The following CELSR2 variants were observed in gnomAD, a reference collection of about 807,000 sequenced individuals.
CELSR2 encodes the protein cadherin EGF LAG seven-pass G-type receptor 2, also known as EGF-like protein 2.
Under a neutral mutation model 251.6 loss-of-function variants are expected in CELSR2, and 81 were observed. The observed-to-expected ratio is 0.32, with a 90% confidence interval of 0.27 to 0.39. The LOEUF is 0.39. CELSR2 is among the 10% of genes least tolerant of loss of function. The pLI, the probability that CELSR2 is intolerant of heterozygous loss-of-function variation, is 1.00. For missense variants in CELSR2, 3,365 were observed against 3,947.7 expected (o/e 0.85, Z 3.96); for synonymous variants, 1,721 against 1,670.5 (o/e 1.03, Z -0.74).
In CELSR2 at chr1:109,250,030, G is replaced by T; in HGVS notation, c.-50G>T. On this transcript the variant is annotated 5_prime_UTR_variant, in exon 1 of 34. Transcript: ENST00000271332. This position sits in a 1 kb window ranked among gnomAD's most constrained non-coding sequence, Gnocchi z 4.4. The stretch of plus-strand genomic sequence containing the variant: ...GCGGCGGGGCCGGCAGGAGCCGGAG[G>T]AGGAGCCGCCGCCGCCGTTGACCCG... The T allele has an allele frequency of 1.6e-6, 2 of 1,285,666 alleles. No individual in the cohort carries two copies. Among genetic ancestry groups the T allele is most frequent in the South Asian group, 5.4e-5 (2 of 37,020 alleles). 79.6% of individuals were successfully genotyped at this position (1,285,666 alleles called of 1,614,324 possible).
rs1656422116 is a variant in CELSR2 at position 109,273,173 on chromosome 1, CCCAGGGCCTGGCAAGGCCCCCTGG to C, written c.8352_8375del (p.Pro2785_Gly2792del). 6.2e-7 allele frequency: 1 copy of C among 1,608,478 alleles called. No individual in the cohort carries two copies. The highest frequency in any genetic ancestry group is 1.3e-5 in the African/African-American group (1 of 74,424). On this transcript the variant is annotated inframe_deletion, in exon 32 of 34. Coordinates refer to ENST00000271332, the MANE Select transcript of CELSR2 (RefSeq NM_001408.3). ...ACTTCCTTTCCCCACCAGATGGGGG[CCCAGGGCCTGGCAAGGCCCCCTGG>C]CCAGGAGACTTTGGGACCACAGCAA... is the stretch of plus-strand genomic sequence containing the variant.
At chr1:109,273,692 G>A in intron 33 of CELSR2, 22 bp downstream of exon 33, 4 of 1,391,298 alleles carry the variant, frequency 2.9e-6, no homozygotes, top group Non-Finnish European at 3.8e-6. Context: ...CGGGTGGGCG[G>A]GACGGGGTGC....
rs1656117811 is a variant in CELSR2, at chr1:109,264,149, A to G, written c.5073A>G (p.Pro1691=). 6.2e-7 allele frequency: 1 copy of G among 1,608,346 alleles called. No homozygotes were observed. The highest frequency in any genetic ancestry group is 1.3e-5 in the African/African-American group (1 of 74,832). ...GLQASSLRLE[P]GRANDGDWHH... is the part of the protein sequence containing the mutation. ...AGGCCTCCTCTCTCCGTCTGGAGCC[A>G]GGCCGGGCCAATGACGGTGACTGGC... The change falls in exon 10 of 34, where the codon CCA becomes CCG. Residue 1691 remains proline, a synonymous_variant. Coordinates refer to ENST00000271332, the MANE Select transcript of CELSR2 (RefSeq NM_001408.3).
rs561956014 is a variant in CELSR2, at chr1:109,254,712, G to A, written c.3310+1323G>A. 8.9e-4 allele frequency among the ~76,000 whole-genome samples: 136 copies of A among 152,294 alleles called. 1 individual carries two copies. Among genetic ancestry groups the A allele is most frequent in the African/African-American group, 2.9e-3 (119 of 41,564 alleles). On this transcript the variant is annotated intron_variant, in intron 1 of 33. Transcript: ENST00000271332. The stretch of plus-strand genomic sequence containing the variant: ...AGGAGGGGTATGCCAGAGTCAGGGC[G>A]TGGCCTCACTCAGGGTCCTTGCTGG...
rs753874270 is a variant in CELSR2, at chr1:109,269,425, G to A, written c.6814G>A (p.Val2272Ile). 5 of 1,613,468 alleles carry A rather than the reference G, an allele frequency of 3.1e-6. No individual in the cohort carries two copies. The highest frequency in any genetic ancestry group is 3.4e-6 in the Non-Finnish European group (4 of 1,179,744). ...GTGCACCTGACTGCCCCACATCAGAGTCCCCAAACGCCCGATCATCAACAC... is the reference window on the plus strand; with the variant it reads ...GTGCACCTGACTGCCCCACATCAGAATCCCCAAACGCCCGATCATCAACAC... ...NYDPDKRSLR[V>I]PKRPIINTPV... Residue 2272 changes from valine (V) to isoleucine (I), a missense_variant and splice_region_variant, in exon 21 of 34, where the codon GTC becomes ATC. Around this residue, in one of 5 missense-constraint regions of CELSR2, gnomAD observed 2,093 missense variants for 2,382.8 expected, o/e 0.88. Coordinates refer to ENST00000271332, the MANE Select transcript of CELSR2 (RefSeq NM_001408.3). The surrounding 1 kb of genome is among the most constrained non-coding windows in gnomAD (Gnocchi z 6.4).
rs777895785 is a variant in CELSR2 at position 109,273,182 on chromosome 1, T to G, written c.8355T>G (p.Pro2785=). ...HSTPKDGGPG[P]GKAPWPGDFG... is the part of the protein sequence containing the mutation. ...CCCCACCAGATGGGGGCCCAGGGCC[T>G]GGCAAGGCCCCCTGGCCAGGAGACT... is the stretch of plus-strand genomic sequence containing the variant. The change falls in exon 32 of 34, where the codon CCT becomes CCG. Residue 2785 remains proline (P), a synonymous_variant. Transcript: ENST00000271332. The G allele has an allele frequency of 9.3e-6, 15 of 1,607,456 alleles. 1 individual carries two copies. The highest frequency in any genetic ancestry group is 3.3e-4 in the Middle Eastern group (2 of 6,034).
intron 1 of CELSR2, 79 bp downstream of exon 1, chr1:109,253,468 A>G: frequency 1.3e-6 from 2 of 1,503,454 alleles, no homozygotes; most frequent in African/African-American, 2.8e-5. Context: ...GTAGGGTGCG[A>G]TCCAGGAAGC....
Position 109,251,121 on chromosome 1 carries a change from G to A in CELSR2, c.1042G>A (p.Val348Met). 6.2e-7 allele frequency: 1 copy of A among 1,613,266 alleles called. No individual in the cohort carries two copies. The highest frequency in any genetic ancestry group is 8.5e-7 in the Non-Finnish European group (1 of 1,179,950). The change falls in exon 1 of 34, where the codon GTG (valine) becomes ATG (methionine). Residue 348 changes from valine (V) to methionine (M), a missense_variant. By Grantham distance (21) the Val-to-Met change is conservative. Transcript: ENST00000271332. The surrounding 1 kb of genome is among the most constrained non-coding windows in gnomAD (Gnocchi z 4.9). The part of the protein sequence containing the change: ...EVFEIDPRSG[V>M]IRTRGPVDRE... The stretch of plus-strand genomic sequence containing the variant: ...CTTTGAGATCGACCCTCGCTCTGGG[G>A]TGATCCGAACCCGTGGCCCTGTGGA...
intron 5 of CELSR2, 117 bp from the exon 6 acceptor site, chr1:109,262,170 T>G: frequency 4.3e-6 from 6 of 1,381,556 alleles, no homozygotes; most frequent in Non-Finnish European, 5.9e-6. Context: ...TGTATATGCA[T>G]GTGTGTACGT....
intron 24 of CELSR2, 113 bp downstream of exon 24, chr1:109,270,713 C>T (rs1001919535): frequency 1.9e-5 from 26 of 1,358,822 alleles, no homozygotes; most frequent in African/African-American, 1.6e-4. Context: ...TGCCCCAGGC[C>T]GCCTTATTCA....
In CELSR2 at chr1:109,272,680, C is replaced by T; in HGVS notation, c.8095C>T (p.Leu2699=). 1 of 1,613,852 alleles carries T rather than the reference C, an allele frequency of 6.2e-7. No homozygotes were observed. Among genetic ancestry groups the T allele is most frequent in the Non-Finnish European group, 8.5e-7 (1 of 1,179,970 alleles). ...GAACCCTGGCCAAGGGCCCCCTGGC[C>T]TGGGGGATCCAGGCAGCCTGTTCCT... The part of the protein sequence containing the change: ...ALNPGQGPPG[L]GDPGSLFLEG... Residue 2699 remains leucine (L), a synonymous_variant, in exon 30 of 34, where the codon CTG becomes TTG. Transcript: ENST00000271332.
rs887818900 is a variant in CELSR2 at position 109,249,839 on chromosome 1, C to T, written c.-241C>T. Among the ~76,000 whole-genome samples, 5 of 150,104 alleles carry T rather than the reference C, an allele frequency of 3.3e-5. No homozygotes were observed. Among genetic ancestry groups the T allele is most frequent in the Non-Finnish European group, 7.4e-5 (5 of 67,174 alleles). On this transcript the variant is annotated 5_prime_UTR_variant, in exon 1 of 34. Coordinates refer to ENST00000271332, the MANE Select transcript of CELSR2 (RefSeq NM_001408.3). ...AGCGCAGGTGGAGGCGCGGCGGCAG[C>T]CCGCGGTGCTCAGGGTGACCCGGGA...
chr1:109,254,959 C>T (rs1367280687), intron 1 of CELSR2, among the ~76,000 whole-genome samples: 1 of 152,228 alleles, frequency 6.6e-6, no homozygotes, highest in East Asian at 1.9e-4. Context: ...GTCCTCCACA[C>T]CCAGCCTGCC....
chr1:109,272,613 C>G (rs1386350373), intron 29 of CELSR2, 27 bp from the exon 30 acceptor site: 2 of 1,599,356 alleles, frequency 1.3e-6, no homozygotes, highest in Non-Finnish European at 1.7e-6. Flanking sequence ...CCAGGCTGAC[C>G]CCTCCAGCAT....
At chr1:109,263,853 G>T in intron 9 of CELSR2, 76 bp downstream of exon 9, 2 of 1,541,044 alleles carry the variant, frequency 1.3e-6, no homozygotes, top group Non-Finnish European at 1.7e-6. Flanking sequence ...GACAGAAGTG[G>T]CTGGGCAGGT....
chr1:109,253,455 G>C, intron 1 of CELSR2, 66 bp downstream of exon 1: 1 of 1,529,168 alleles, frequency 6.5e-7, no homozygotes, highest in Admixed American at 2.0e-5. Context: ...GCAGCCACTG[G>C]AGGTAGGGTG....
chr1:109,261,253 C>T lies in CELSR2; in HGVS notation c.4170C>T (p.Thr1390=), dbSNP rs1656013694. Residue 1390 remains threonine (T), a synonymous_variant, in exon 3 of 34, where the codon ACC becomes ACT. Transcript: ENST00000271332. The surrounding 1 kb of genome is among the most constrained non-coding windows in gnomAD (Gnocchi z 4.8). The stretch of plus-strand genomic sequence containing the variant: ...GCCTGCGCCAGCGTTTCCACTTCAC[C>T]CTGGCCCTCTCGTGAGTGGCTGGGC... ...FRGLRQRFHF[T]LALSFATKER... 2 of 1,613,254 alleles carry T rather than the reference C, an allele frequency of 1.2e-6. No homozygotes were observed. The highest frequency in any genetic ancestry group is 1.1e-5 in the South Asian group (1 of 91,040).
chr1:109,267,651 A>G lies in CELSR2; in HGVS notation c.6108+9A>G, dbSNP rs1447788346. 4 of 1,612,986 alleles carry G rather than the reference A, an allele frequency of 2.5e-6. No homozygotes were observed. The highest frequency in any genetic ancestry group is 1.7e-5 in the Admixed American group (1 of 59,924). On this transcript the variant is annotated intron_variant, in intron 16 of 33. Coordinates refer to ENST00000271332, the MANE Select transcript of CELSR2 (RefSeq NM_001408.3). ...CAGAACTGAAGGGCTTCGTAAGTGA[A>G]CCCCCTCATCTCCATCTTTTCCCTG...
chr1:109,258,561 G>A lies in CELSR2; in HGVS notation c.3440G>A (p.Gly1147Asp). ...SPERFLSPLL[G>D]LFIQAVAATL... ...GAGCGCTTCCTGTCACCACTGCTAG[G>A]CCTCTTCATCCAGGCGGTGGCCGCC... is the stretch of plus-strand genomic sequence containing the variant. The change falls in exon 2 of 34, where the codon GGC becomes GAC. Residue 1147 changes from glycine to aspartate, a missense_variant. By Grantham distance (94) the Gly-to-Asp change is moderately conservative. Around this residue, in one of 5 missense-constraint regions of CELSR2, gnomAD observed 505 missense variants for 660.0 expected, o/e 0.77. Coordinates refer to ENST00000271332, the MANE Select transcript of CELSR2 (RefSeq NM_001408.3). 1 of 1,604,430 alleles carries A rather than the reference G, an allele frequency of 6.2e-7. No individual in the cohort carries two copies. The highest frequency in any genetic ancestry group is 1.7e-4 in the Middle Eastern group (1 of 6,050).
Sources: allele counts gnomAD v4.1 joint callset (sites outside exome capture counted in the v4.1 genomes callset), GRCh38; gene constraint gnomAD v4.1.1; regional missense constraint gnomAD v4.1.1; non-coding constraint Gnocchi (gnomAD v3.1); transcripts MANE v1.5; gene names NCBI Gene and HGNC (gene_info 2026-07-23, HGNC 2026-07-21).